The following DYNC1I1 variants were observed in gnomAD, a reference collection of about 807,000 sequenced individuals.
DYNC1I1 encodes cytoplasmic dynein 1 intermediate chain 1.
DYNC1I1 carries 43 observed loss-of-function variants against 86.6 expected under a neutral mutation model. The ratio of observed to expected loss-of-function variants is 0.50; its 90% confidence interval spans 0.39 to 0.64. The LOEUF (loss-of-function observed/expected upper bound fraction) is 0.64, where lower values mean the gene tolerates loss of function less well. Among genes scored for constraint, DYNC1I1 ranks in the 30% least tolerant of loss-of-function variants. DYNC1I1 has a pLI of 0.00. For synonymous variants in DYNC1I1, 262 were observed against 283.7 expected (o/e 0.92, Z 0.77); for missense variants, 604 against 788.8 (o/e 0.77, Z 2.81).
chr7:96,001,799 C>T (rs778107083), intron 10 of DYNC1I1, among the ~76,000 whole-genome samples: 86 of 152,042 alleles, frequency 5.7e-4, no homozygotes, highest in Non-Finnish European at 1.2e-3. Context: ...CTTCTGGTCC[C>T]TATTTCCAAA....
At chr7:95,804,004 G>A (rs1047940261) in intron 1 of DYNC1I1, among the ~76,000 whole-genome samples, 8 of 152,140 alleles carry the variant, frequency 5.3e-5, no homozygotes, top group Non-Finnish European at 8.8e-5. Flanking sequence ...GTTATCTCCC[G>A]TTTCATGTGC....
intron 5 of DYNC1I1, among the ~76,000 whole-genome samples, chr7:95,845,155 T>C (rs1789392413): frequency 1.3e-5 from 2 of 152,218 alleles, no homozygotes; most frequent in Middle Eastern, 3.2e-3. Context: ...GGTGACCTCT[T>C]CTTTCTCTAA....
At chr7:95,832,696 G>A (rs1292354816) in intron 5 of DYNC1I1, among the ~76,000 whole-genome samples, 1 of 151,988 alleles carries the variant, frequency 6.6e-6, no homozygotes, top group East Asian at 1.9e-4. Context: ...TTGTGGTTTT[G>A]ATTTGCATTT....
At chr7:95,816,203 G>A (rs1251206481) in intron 4 of DYNC1I1, among the ~76,000 whole-genome samples, 4 of 151,944 alleles carry the variant, frequency 2.6e-5, no homozygotes, top group Admixed American at 6.6e-5. Flanking sequence ...TTTACTTTTT[G>A]TAGAGATGGA....
At chr7:95,804,437 G>A in intron 1 of DYNC1I1, 2 of 1,198,928 alleles carry the variant, frequency 1.7e-6, no homozygotes, top group Non-Finnish European at 2.2e-6. Flanking sequence ...TAGAAAATGT[G>A]TTGCTTATCT....
intron 6 of DYNC1I1, among the ~76,000 whole-genome samples, chr7:95,909,243 T>TGGGGGGGGGGGGGGGGGGG (rs55986463): frequency 5.0e-5 from 2 of 40,380 alleles, no homozygotes; most frequent in African/African-American, 2.2e-4. Flanking sequence ...GGGAGGGGGG[T>TGGGGGGGGGGGGGGGGGGG]GGGGGGGGGG....
intron 6 of DYNC1I1, among the ~76,000 whole-genome samples, chr7:95,944,730 GGATGA>G (rs1792346067): frequency 6.6e-6 from 1 of 152,038 alleles, no homozygotes; most frequent in Non-Finnish European, 1.5e-5. Flanking sequence ...GGTGGGACAT[GGATGA>G]AATTGGAAAT....
downstream of DYNC1I1, among the ~76,000 whole-genome samples, chr7:96,100,343 C>CTTCCTTCCTTCCT (rs1225734124): frequency 2.0e-5 from 3 of 150,282 alleles, no homozygotes; most frequent in Non-Finnish European, 4.5e-5. Flanking sequence ...CCCTCTCTCC[C>CTTCCTTCCTTCCT]TTCCTTCCTT....
At chr7:96,050,416 T>A (rs1181703637) in intron 14 of DYNC1I1, among the ~76,000 whole-genome samples, 2 of 152,226 alleles carry the variant, frequency 1.3e-5, no homozygotes, top group Non-Finnish European at 2.9e-5. Flanking sequence ...ATACTGTAGT[T>A]AAATGAAAAA....
chr7:95,999,886 C>T (rs751349204), intron 10 of DYNC1I1, among the ~76,000 whole-genome samples: 18 of 151,902 alleles, frequency 1.2e-4, no homozygotes, highest in Non-Finnish European at 2.2e-4. Flanking sequence ...AATTTTTGTC[C>T]CTCCCCCAAC....
intron 6 of DYNC1I1, among the ~76,000 whole-genome samples, chr7:95,895,312 C>G (rs1052895781): frequency 5.9e-5 from 9 of 152,194 alleles, no homozygotes; most frequent in African/African-American, 2.2e-4. Context: ...AATTTTCACT[C>G]AGCTCACGAG....
Position 95,927,148 on chromosome 7 carries a change from GTGTTC to G in DYNC1I1, c.491-50363_491-50359del, listed in dbSNP as rs1327595758. 3.9e-5 allele frequency among the ~76,000 whole-genome samples: 6 copies of G among 152,180 alleles called. No homozygotes were observed. In the East Asian group the frequency reaches 1.2e-3, roughly 29 times the overall value. ...TTCCCAAGCAAAGAGGGGAAAAAAA[GTGTTC>G]ATTTTTAAAAATGACATCATGGAAG... is the stretch of plus-strand genomic sequence containing the variant. On this transcript the variant is annotated intron_variant, in intron 6 of 16. Coordinates refer to ENST00000447467, the MANE Select transcript of DYNC1I1 (RefSeq NM_001135556.2).
intron 6 of DYNC1I1, among the ~76,000 whole-genome samples, chr7:95,935,061 T>A (rs752007885): frequency 6.6e-5 from 10 of 152,010 alleles, no homozygotes; most frequent in Non-Finnish European, 1.5e-4. Context: ...TACAATGTCC[T>A]ATAGCAGATC....
At chr7:95,900,954 T>TA (rs1562938268) in intron 6 of DYNC1I1, among the ~76,000 whole-genome samples, 1 of 152,200 alleles carries the variant, frequency 6.6e-6, no homozygotes, top group Admixed American at 6.5e-5. Flanking sequence ...AAGAAAATAT[T>TA]AAAAGGTCCT....
Position 95,987,073 on chromosome 7 carries a change from C to G in DYNC1I1, c.761C>G (p.Ala254Gly). 6.2e-7 allele frequency: 1 copy of G among 1,613,792 alleles called. No individual in the cohort carries two copies. The highest frequency in any genetic ancestry group is 8.5e-7 in the Non-Finnish European group (1 of 1,179,858). The change falls in exon 9 of 17, where the codon GCC becomes GGC. Residue 254 changes from alanine to glycine, a missense_variant. Ala to Gly is a moderately conservative substitution (Grantham distance 60). Coordinates refer to ENST00000447467, the MANE Select transcript of DYNC1I1 (RefSeq NM_001135556.2). The part of the protein sequence containing the change: ...EEKDGDVQAG[A>G]NLSFNRQFYD... ...CCTCCTAGGGATGTTCAGGCTGGAG[C>G]CAATCTTTCTTTCAATCGTCAGTTC...
intron 10 of DYNC1I1, among the ~76,000 whole-genome samples, chr7:96,008,758 G>A (rs1426653686): frequency 6.6e-6 from 1 of 152,072 alleles, no homozygotes; most frequent in Admixed American, 6.5e-5. Context: ...AAGAATATTA[G>A]CCACCAATTG....
At chr7:95,772,877 C>T (rs1173252520) in intron 1 of DYNC1I1, 104 bp downstream of exon 1, 1 of 152,376 alleles carries the variant, frequency 6.6e-6, no homozygotes, top group Non-Finnish European at 1.5e-5. Context: ...AGGCTGGAGC[C>T]GAGGCCCCTG....
chr7:95,974,894 A>G (rs928045744), intron 6 of DYNC1I1, among the ~76,000 whole-genome samples: 3 of 152,120 alleles, frequency 2.0e-5, no homozygotes, highest in Non-Finnish European at 2.9e-5. Flanking sequence ...TTACCTTGCA[A>G]TAGAACATTG....
At chr7:96,083,713 G>A (rs534092961) in intron 16 of DYNC1I1, among the ~76,000 whole-genome samples, 1 of 152,294 alleles carries the variant, frequency 6.6e-6, no homozygotes, top group African/African-American at 2.4e-5. Flanking sequence ...GTCGAGCAAA[G>A]AGCTATTCAA....
Sources: gnomAD v4.1 joint callset for allele counts (sites outside exome capture counted in the v4.1 genomes callset) on GRCh38, gnomAD v4.1.1 for gene constraint, MANE v1.5 for transcripts, NCBI Gene and HGNC (gene_info 2026-07-23, HGNC 2026-07-21) for gene names.